The following AGBL1 variants were observed in gnomAD, a reference collection of about 807,000 sequenced individuals.
AGBL1 encodes the protein AGBL carboxypeptidase 1.
A neutral mutation model predicts 118.9 loss-of-function variants in AGBL1; 130 were observed. The ratio of observed to expected loss-of-function variants is 1.09; its 90% CI spans 0.95 to 1.26. The LOEUF is 1.26. AGBL1 is among the 50% of genes most tolerant of loss of function. The probability of loss-of-function intolerance (pLI) is 0.00; values close to 1 mark genes in which losing one functional copy is unlikely to be tolerated. For synonymous variants in AGBL1, 555 were observed against 478.9 expected, an observed-to-expected ratio of 1.16 and a Z score of -2.08; for missense variants, 1,584 against 1,298.1, an observed-to-expected ratio of 1.22 and a Z score of -3.38.
intron 20 of AGBL1, among the ~76,000 whole-genome samples, chr15:86,552,519 GC>G (rs1238602199): frequency 6.6e-6 from 1 of 152,256 alleles, no homozygotes; most frequent in South Asian, 2.1e-4. Context: ...TATTTGACCA[GC>G]CCCCCAGGGG....
At chr15:86,228,853 C>G (rs1248833236) in intron 6 of AGBL1, among the ~76,000 whole-genome samples, 1 of 152,188 alleles carries the variant, frequency 6.6e-6, no homozygotes, top group Non-Finnish European at 1.5e-5. Context: ...AATCCTAGTT[C>G]TCTTCTCCAG....
intron 5 of AGBL1, among the ~76,000 whole-genome samples, chr15:86,203,697 G>C (rs1949040082): frequency 6.6e-6 from 1 of 152,056 alleles, no homozygotes; most frequent in Non-Finnish European, 1.5e-5. Context: ...AAAATTTGTT[G>C]AGGTATTTGT....
intron 23 of AGBL1, among the ~76,000 whole-genome samples, chr15:86,924,186 C>G (rs962141644): frequency 1.3e-5 from 2 of 152,222 alleles, no homozygotes; most frequent in African/African-American, 4.8e-5. Context: ...TACACACATG[C>G]TCATACACAC....
intron 19 of AGBL1, among the ~76,000 whole-genome samples, chr15:86,534,308 C>G (rs1712950661): frequency 6.6e-6 from 1 of 152,000 alleles, no homozygotes. Flanking sequence ...ATGGAAAAGC[C>G]AGAGATTAGA....
chr15:86,645,303 G>A (rs1366269767), intron 21 of AGBL1, among the ~76,000 whole-genome samples: 1 of 152,200 alleles, frequency 6.6e-6, no homozygotes, highest in Non-Finnish European at 1.5e-5. Context: ...AAAAAGAGCA[G>A]GGAAGTGTGG....
At chr15:86,879,833 ACAT>A (rs1254733775) in intron 22 of AGBL1, among the ~76,000 whole-genome samples, 1 of 152,176 alleles carries the variant, frequency 6.6e-6, no homozygotes, top group East Asian at 1.9e-4. Context: ...GGCAGCAGCC[ACAT>A]CATCTTTTGC....
chr15:86,150,723 C>T (rs566500470), intron 3 of AGBL1, among the ~76,000 whole-genome samples: 1 of 152,194 alleles, frequency 6.6e-6, no homozygotes, highest in Non-Finnish European at 1.5e-5. Flanking sequence ...CGTTCTGAAA[C>T]TATTCCAATC....
intron 20 of AGBL1, among the ~76,000 whole-genome samples, chr15:86,550,475 T>C (rs1468861511): frequency 1.3e-5 from 2 of 152,162 alleles, no homozygotes; most frequent in East Asian, 3.8e-4. Flanking sequence ...ATAAAGATGG[T>C]TATATTGACA....
chr15:86,298,251 A>T (rs922946394), intron 17 of AGBL1, among the ~76,000 whole-genome samples: 1 of 35,180 alleles, frequency 2.8e-5, no homozygotes, highest in Non-Finnish European at 6.0e-5. Flanking sequence ...TGTATAATAT[A>T]TATATATATA....
At chr15:86,784,998 A>G (rs1238227495) in intron 22 of AGBL1, among the ~76,000 whole-genome samples, 1 of 152,214 alleles carries the variant, frequency 6.6e-6, no homozygotes, top group Non-Finnish European at 1.5e-5. Context: ...TACAAATAAT[A>G]GTAATAATTA....
chr15:86,475,175 C>T lies in AGBL1; in HGVS notation c.2556-47635C>T, dbSNP rs535646881. ...TCTAAAAATCAGAGTGCCTCTCCCCCTCCAAAGGAACGCGACTCATTGCCA... is the reference window on the plus strand; with the variant it reads ...TCTAAAAATCAGAGTGCCTCTCCCCTTCCAAAGGAACGCGACTCATTGCCA... On this transcript the variant is annotated intron_variant, in intron 18 of 22. Transcript: ENST00000614907. 1.6e-4 allele frequency among the ~76,000 whole-genome samples: 25 copies of T among 152,300 alleles called. 1 individual carries two copies. Among genetic ancestry groups the T allele is most frequent in the African/African-American group, 6.0e-4 (25 of 41,552 alleles).
At chr15:86,190,751 T>A (rs963683974) in intron 5 of AGBL1, among the ~76,000 whole-genome samples, 2 of 152,148 alleles carry the variant, frequency 1.3e-5, no homozygotes, top group Admixed American at 6.5e-5. Flanking sequence ...TAACAGATAA[T>A]TTAACGACAT....
chr15:86,427,320 A>G (rs1445893029), intron 18 of AGBL1, among the ~76,000 whole-genome samples: 1 of 152,200 alleles, frequency 6.6e-6, no homozygotes, highest in African/African-American at 2.4e-5. Context: ...CAGAAATTGC[A>G]TAAGGATGAA....
At chr15:86,304,214 C>T (rs930884491) in intron 17 of AGBL1, among the ~76,000 whole-genome samples, 15 of 152,208 alleles carry the variant, frequency 9.9e-5, no homozygotes, top group South Asian at 6.2e-4. Context: ...CTCTCCCACC[C>T]GTATCTAAAA....
intron 5 of AGBL1, among the ~76,000 whole-genome samples, chr15:86,164,599 A>T (rs1192631178): frequency 6.6e-6 from 1 of 152,228 alleles, no homozygotes; most frequent in Non-Finnish European, 1.5e-5. Context: ...AAGTACAGCC[A>T]CATCCCCTCT....
intron 23 of AGBL1, among the ~76,000 whole-genome samples, chr15:86,935,705 A>G (rs1432437727): frequency 2.0e-5 from 3 of 152,198 alleles, no homozygotes; most frequent in African/African-American, 7.2e-5. Flanking sequence ...GCCAGTGTCA[A>G]GTCTGACTAA....
At chr15:87,015,748 T>C (rs2141791194) in intron 24 of AGBL1, among the ~76,000 whole-genome samples, 2 of 152,288 alleles carry the variant, frequency 1.3e-5, no homozygotes, top group South Asian at 4.1e-4. Flanking sequence ...ACCCCTGCTA[T>C]TGATGAATTC....
chr15:86,155,195 T>C (rs561879230), intron 4 of AGBL1, among the ~76,000 whole-genome samples: 72 of 152,304 alleles, frequency 4.7e-4, no homozygotes, highest in Non-Finnish European at 9.0e-4. Flanking sequence ...GGGCCAGGCA[T>C]GGTGGCTCAC....
At chr15:86,764,841 G>T (rs1379046998) in intron 22 of AGBL1, among the ~76,000 whole-genome samples, 1 of 151,932 alleles carries the variant, frequency 6.6e-6, no homozygotes, top group Non-Finnish European at 1.5e-5. Flanking sequence ...CTTTGAGCTG[G>T]GTGAATGTAG....
Sources: allele counts gnomAD v4.1 joint callset (sites outside exome capture counted in the v4.1 genomes callset), GRCh38; gene constraint gnomAD v4.1.1; transcripts MANE v1.5; gene names NCBI Gene and HGNC (gene_info 2026-07-23, HGNC 2026-07-21).